Variants in CFAP97 observed in about 807,000 individuals in gnomAD.
The protein encoded by CFAP97 is cilia and flagella associated protein 97.
CFAP97 carries 36 observed loss-of-function variants against 43.1 expected under a neutral mutation model. The ratio of observed to expected loss-of-function variants is 0.84; its 90% CI spans 0.64 to 1.10. CFAP97 has a LOEUF of 1.10. Ranked by LOEUF, CFAP97 falls within the 50% of genes least tolerant of loss-of-function variation. The pLI, the probability that CFAP97 is intolerant of heterozygous loss-of-function variation, is 0.00. For missense variants in CFAP97, 657 were observed against 620.3 expected (o/e 1.06, Z -0.63); for synonymous variants, 228 against 225.7 (o/e 1.01, Z -0.09).
At chr4:185,197,956 G>A (rs1374534948) in intron 1 of CFAP97, among the ~76,000 whole-genome samples, 3 of 152,154 alleles carry the variant, frequency 2.0e-5, no homozygotes, top group East Asian at 3.9e-4. Context: ...ATAAGAAAGC[G>A]AAAGAGCCTT....
At chr4:185,181,404 C>T (rs1470471864) in intron 2 of CFAP97, among the ~76,000 whole-genome samples, 1 of 139,888 alleles carries the variant, frequency 7.1e-6, no homozygotes, top group Non-Finnish European at 1.5e-5. Flanking sequence ...TGGCTCACTG[C>T]AATCTCCGCT....
At chr4:185,188,183 C>T (rs1482252435) in intron 2 of CFAP97, among the ~76,000 whole-genome samples, 1 of 152,008 alleles carries the variant, frequency 6.6e-6, no homozygotes, top group African/African-American at 2.4e-5. Context: ...GCGTGAGCAC[C>T]GTGCTCGGCC....
upstream of CFAP97, among the ~76,000 whole-genome samples, chr4:185,206,576 T>C (rs1467196836): frequency 6.8e-6 from 1 of 147,910 alleles, no homozygotes; most frequent in Non-Finnish European, 1.5e-5. Flanking sequence ...GGAGAATCTC[T>C]TGAACCGGGG....
intron 3 of CFAP97, among the ~76,000 whole-genome samples, chr4:185,167,334 T>G (rs1481543415): frequency 2.0e-5 from 3 of 151,982 alleles, no homozygotes; most frequent in African/African-American, 7.3e-5. Flanking sequence ...CGGGCGTGGT[T>G]GCATGTGCCT....
intron 2 of CFAP97, among the ~76,000 whole-genome samples, chr4:185,178,180 C>T (rs940165496): frequency 1.3e-5 from 2 of 151,008 alleles, no homozygotes; most frequent in Non-Finnish European, 2.9e-5. Context: ...ATTATAAGCC[C>T]TTTAAAATTC....
intron 2 of CFAP97, among the ~76,000 whole-genome samples, chr4:185,179,550 C>T (rs1223676043): frequency 1.3e-5 from 2 of 152,158 alleles, no homozygotes; most frequent in East Asian, 3.9e-4. Context: ...AGAAGTCCAA[C>T]TACCCTATGG....
At chr4:185,178,807 G>C (rs921184357) in intron 2 of CFAP97, among the ~76,000 whole-genome samples, 9 of 152,118 alleles carry the variant, frequency 5.9e-5, no homozygotes, top group Non-Finnish European at 1.0e-4. Context: ...AGGGCCTGGA[G>C]AAGGCTGTTG....
At position 185,190,255 on chromosome 4, in the gene CFAP97, T is replaced by C. The variant is rs1268423662; in HGVS notation, c.942A>G (p.Lys314=). 6.2e-7 allele frequency: 1 copy of C among 1,613,452 alleles called. No individual in the cohort carries two copies. The highest frequency in any genetic ancestry group is 8.5e-7 in the Non-Finnish European group (1 of 1,179,570). The change falls in exon 2 of 5, where the codon AAA becomes AAG. Residue 314 remains lysine, a synonymous_variant. Coordinates refer to ENST00000458385, the MANE Select transcript of CFAP97 (RefSeq NM_020827.3). ...ACTTTGAGGAGACATCAGGCTCATG[T>C]TTTTCTTTCCCTTTTTTGGCTGCTT... is the stretch of plus-strand genomic sequence containing the variant. ...YLKAAKKGKE[K]HEPDVSSKSS...
In CFAP97 at chr4:185,196,240, G is replaced by A. The variant is rs367737772; in HGVS notation, c.-16-5028C>T. Among the ~76,000 whole-genome samples, 13 of 152,180 alleles carry A rather than the reference G, an allele frequency of 8.5e-5. No homozygotes were observed. In the East Asian group the frequency reaches 1.2e-3, roughly 14 times the overall value. ...TGTAATCCCAGCACTTTGGGAGGCCGAGGTGGGCAGATCACTTGAGGTAGG... is the reference window on the plus strand; with the variant it reads ...TGTAATCCCAGCACTTTGGGAGGCCAAGGTGGGCAGATCACTTGAGGTAGG... On this transcript the variant is annotated intron_variant, in intron 1 of 4. Coordinates refer to ENST00000458385, the MANE Select transcript of CFAP97 (RefSeq NM_020827.3).
chr4:185,172,055 G>T (rs1449356338), intron 3 of CFAP97, among the ~76,000 whole-genome samples: 6 of 152,000 alleles, frequency 3.9e-5, no homozygotes, highest in African/African-American at 1.4e-4. Context: ...TAATATTTCA[G>T]AATTCATGAG....
intron 1 of CFAP97, among the ~76,000 whole-genome samples, chr4:185,199,547 A>G (rs1303749288): frequency 6.6e-6 from 1 of 151,302 alleles, no homozygotes; most frequent in African/African-American, 2.4e-5. Flanking sequence ...TTTTATATTA[A>G]TAGTCTCAGC....
At chr4:185,198,941 C>T (rs1232461583) in intron 1 of CFAP97, among the ~76,000 whole-genome samples, 15 of 152,150 alleles carry the variant, frequency 9.9e-5, no homozygotes, top group Admixed American at 9.8e-4. Flanking sequence ...GGATGCTAAC[C>T]ATCTAGGATT....
Position 185,190,292 on chromosome 4 carries a change from G to A in CFAP97, c.905C>T (p.Ser302Leu). Residue 302 changes from serine to leucine, a missense_variant, in exon 2 of 5, where the codon TCA becomes TTA. Physicochemically the swap from Ser to Leu is moderately radical, Grantham distance 145 (BLOSUM62 -2). Coordinates refer to ENST00000458385, the MANE Select transcript of CFAP97 (RefSeq NM_020827.3). ...TTTTTTGGCTGCTTTCAAATATTTT[G>A]AATTATTTTTCAAATCCTCAACATC... Reference protein sequence around the residue: ...YEDVEDLKNNSKYLKAAKKGK... With the variant: ...YEDVEDLKNNLKYLKAAKKGK... 1 of 1,609,164 alleles carries A rather than the reference G, an allele frequency of 6.2e-7. No homozygotes were observed. Among genetic ancestry groups the A allele is most frequent in the South Asian group, 1.1e-5 (1 of 90,546 alleles).
At chr4:185,209,861 G>T (rs1056582582), upstream of CFAP97, 64 of 983,436 alleles carry the variant, frequency 6.5e-5, no homozygotes, top group East Asian at 1.4e-3. This position sits in a 1 kb window ranked among gnomAD's most constrained non-coding sequence, Gnocchi z 5.2. Flanking sequence ...GGCGGCGCCG[G>T]CCCCAGCCCC....
Position 185,209,129 on chromosome 4 carries a change from A to G in CFAP97, c.-74+196T>C, listed in dbSNP as rs1737347709. Reference sequence around the variant, plus strand: ...AGGAATTGCAGGCTTCACTTACTCCACCGCACGTGTCTGATTCCTTCCCTA... The same window carrying G: ...AGGAATTGCAGGCTTCACTTACTCCGCCGCACGTGTCTGATTCCTTCCCTA... On this transcript the variant is annotated intron_variant, in intron 1 of 2. Transcript: ENST00000503223. The surrounding 1 kb of genome is among the most constrained non-coding windows in gnomAD (Gnocchi z 5.2). 1.3e-5 allele frequency among the ~76,000 whole-genome samples: 2 copies of G among 152,094 alleles called. No individual in the cohort carries two copies. The highest frequency in any genetic ancestry group is 4.8e-5 in the African/African-American group (2 of 41,402).
rs540395150 is a variant in CFAP97, at chr4:185,182,900, G to A, written c.1055-6849C>T. On this transcript the variant is annotated intron_variant, in intron 2 of 4. Coordinates refer to ENST00000458385, the MANE Select transcript of CFAP97 (RefSeq NM_020827.3). Reference sequence around the variant, plus strand: ...GGATCATCTGAGGTCAGGAGTTCACGACCAGCCTGGCCAACATGGTGAAAC... The same window carrying A: ...GGATCATCTGAGGTCAGGAGTTCACAACCAGCCTGGCCAACATGGTGAAAC... Among the ~76,000 whole-genome samples the A allele has an allele frequency of 8.1e-4, 123 of 152,070 alleles. 1 individual carries two copies. The highest frequency in any genetic ancestry group is 2.6e-3 in the African/African-American group (109 of 41,462).
At chr4:185,196,058 G>C (rs371295145) in intron 1 of CFAP97, among the ~76,000 whole-genome samples, 1 of 152,048 alleles carries the variant, frequency 6.6e-6, no homozygotes, top group Non-Finnish European at 1.5e-5. Flanking sequence ...AAAAGTAAAC[G>C]GTTTAATAGC....
chr4:185,181,273 A>AT (rs1466743223), intron 2 of CFAP97, among the ~76,000 whole-genome samples: 7 of 111,834 alleles, frequency 6.3e-5, no homozygotes, highest in African/African-American at 2.6e-4. Flanking sequence ...AAAAATAAAA[A>AT]TAAAAAAAAA....
intron 2 of CFAP97, among the ~76,000 whole-genome samples, chr4:185,178,974 A>G (rs2111352876): frequency 6.6e-6 from 1 of 152,354 alleles, no homozygotes; most frequent in Admixed American, 6.5e-5. Context: ...ACCCACAGTA[A>G]GAACGGACAA....
Sources: allele counts gnomAD v4.1 joint callset (sites outside exome capture counted in the v4.1 genomes callset), GRCh38; gene constraint gnomAD v4.1.1; non-coding constraint Gnocchi (gnomAD v3.1); transcripts MANE v1.5; gene names NCBI Gene and HGNC (gene_info 2026-07-23, HGNC 2026-07-21).